ZDHHC21: variants seen among roughly 807,000 people sequenced by gnomAD.
ZDHHC21 encodes the protein palmitoyltransferase ZDHHC21.
In ZDHHC21, 15 loss-of-function variants were observed where a neutral mutation model predicts 34.6. That is an observed-to-expected ratio of 0.43 (90% CI 0.29 to 0.67). The LOEUF (loss-of-function observed/expected upper bound fraction) is 0.67, where lower values mean the gene tolerates loss of function less well. Ranked by LOEUF, ZDHHC21 falls within the 30% of genes least tolerant of loss-of-function variation. The pLI is 0.14. For missense variants in ZDHHC21, 344 were observed against 327.7 expected (o/e 1.05, Z -0.38); for synonymous variants, 142 against 101.8 (o/e 1.40, Z -2.38).
the ZDHHC21 span, among the ~76,000 whole-genome samples, chr9:14,601,766 A>C: frequency 2.0e-5 from 3 of 152,220 alleles, no homozygotes; most frequent in Non-Finnish European, 4.4e-5. Flanking sequence ...TCAATGATAG[A>C]CTGGATAAAG....
intron 5 of ZDHHC21, among the ~76,000 whole-genome samples, chr9:14,663,928 A>C (rs530630251): frequency 6.6e-6 from 1 of 152,204 alleles, no homozygotes. Context: ...TGTCACAAGC[A>C]TATCATATTC....
At chr9:14,591,461 C>A in the ZDHHC21 span, among the ~76,000 whole-genome samples, 1 of 152,070 alleles carries the variant, frequency 6.6e-6, no homozygotes, top group Non-Finnish European at 1.5e-5. Flanking sequence ...ACTTTCCAGC[C>A]TTCAGAACTA....
rs1179493924 is a variant in ZDHHC21, at chr9:14,613,455, T to C, written c.*5511A>G. On this transcript the variant is annotated 3_prime_UTR_variant, in exon 10 of 10. Transcript: ENST00000380916. ...ACTGGCAAGAATATATAGCTTGCAA[T>C]ACGCAGGTAAGCTTTCCCTTTAGTT... 6.6e-6 allele frequency: 1 copy of C among 151,770 alleles called. No individual in the cohort carries two copies. The highest frequency in any genetic ancestry group is 1.5e-5 in the Non-Finnish European group (1 of 67,806). The allele number at this position is 151,770 out of a possible 1,614,324, so 9.4% of individuals were successfully genotyped here.
At chr9:14,595,498 G>T in the ZDHHC21 span, among the ~76,000 whole-genome samples, 1 of 152,148 alleles carries the variant, frequency 6.6e-6, no homozygotes, top group Non-Finnish European at 1.5e-5. Context: ...CAGAGTCCAA[G>T]GGGTCTTTCT....
chr9:14,647,527 C>T (rs1830465610), intron 7 of ZDHHC21, among the ~76,000 whole-genome samples: 1 of 152,028 alleles, frequency 6.6e-6, no homozygotes, highest in South Asian at 2.1e-4. Flanking sequence ...GAGCTAACTC[C>T]CTGTTGACTA....
In ZDHHC21 at chr9:14,672,816, C is replaced by A; in HGVS notation, c.253+14G>T. 1 of 1,574,434 alleles carries A rather than the reference C, an allele frequency of 6.4e-7. No individual in the cohort carries two copies. The highest frequency in any genetic ancestry group is 1.7e-5 in the Admixed American group (1 of 57,456). On this transcript the variant is annotated intron_variant, in intron 5 of 9. Transcript: ENST00000380916. ...TCTGGCATCAGCAAAACTGATAAAT[C>A]CAGAGTACCATACCTCCATGTGGGA...
chr9:14,636,268 C>T (rs1287475740), intron 8 of ZDHHC21, among the ~76,000 whole-genome samples: 1 of 152,128 alleles, frequency 6.6e-6, no homozygotes, highest in African/African-American at 2.4e-5. Flanking sequence ...GAATAGCTAG[C>T]TATACTTATA....
At position 14,693,135 on chromosome 9, in the gene ZDHHC21, C is replaced by G. The variant is rs533236723; in HGVS notation, c.-225+94G>C. Reference sequence around the variant, plus strand: ...GGCGCGGAGGAGCGGCGGGCGGGCCCGGCAGAGCGGAGCGGGGGCCGGGGA... The same window carrying G: ...GGCGCGGAGGAGCGGCGGGCGGGCCGGGCAGAGCGGAGCGGGGGCCGGGGA... On this transcript the variant is annotated intron_variant, in intron 1 of 9. Transcript: ENST00000380916. The G allele has an allele frequency of 4.1e-3, 806 of 196,350 alleles. 6 individuals carry two copies. Among genetic ancestry groups the G allele is most frequent in the Non-Finnish European group, 4.2e-3 (423 of 101,500 alleles). The allele number at this position is 196,350 out of a possible 1,614,324, so 12.2% of individuals were successfully genotyped here. A position where few individuals can be genotyped will look rare whatever the true frequency, so the allele number is the denominator to read the frequency against.
chr9:14,603,215 T>G, the ZDHHC21 span, among the ~76,000 whole-genome samples: 1 of 152,142 alleles, frequency 6.6e-6, no homozygotes, highest in Admixed American at 6.5e-5. Flanking sequence ...TAAAGTGAAC[T>G]TTAAAAATGG....
intron 5 of ZDHHC21, among the ~76,000 whole-genome samples, chr9:14,665,410 T>C (rs976765514): frequency 1.4e-5 from 2 of 145,072 alleles, no homozygotes; most frequent in African/African-American, 5.1e-5. Context: ...TGGAACCAAG[T>C]TGGAAAACAC....
the ZDHHC21 span, among the ~76,000 whole-genome samples, chr9:14,602,111 T>G: frequency 6.6e-6 from 1 of 151,772 alleles, no homozygotes; most frequent in African/African-American, 2.4e-5. Context: ...CAAACCTGCA[T>G]GTTCTACACA....
chr9:14,603,707 T>A, the ZDHHC21 span, among the ~76,000 whole-genome samples: 1 of 152,192 alleles, frequency 6.6e-6, no homozygotes, highest in African/African-American at 2.4e-5. Flanking sequence ...CTTATTTTTA[T>A]AAGGACTTTA....
Position 14,672,872 on chromosome 9 carries a change from C to G in ZDHHC21, c.211G>C (p.Asp71His), listed in dbSNP as rs745758160. Residue 71 changes from aspartate to histidine, a missense_variant, in exon 5 of 10, where the codon GAT becomes CAT. By Grantham distance (81) the Asp-to-His change is moderately conservative. Coordinates refer to ENST00000380916, the MANE Select transcript of ZDHHC21 (RefSeq NM_178566.6). Reference protein sequence around the residue: ...LVALVRASITDPGRLPENPKI... With the variant: ...LVALVRASITHPGRLPENPKI... ...GGGTTCTCAGGGAGTCTTCCTGGAT[C>G]AGTTATGGAGGCCCTCACTAAGGCA... 1 of 1,609,150 alleles carries G rather than the reference C, an allele frequency of 6.2e-7. No individual in the cohort carries two copies. Among genetic ancestry groups the G allele is most frequent in the Non-Finnish European group, 8.5e-7 (1 of 1,176,776 alleles).
intron 8 of ZDHHC21, chr9:14,622,530 G>A: frequency 1.0e-6 from 1 of 985,188 alleles, no homozygotes; most frequent in Non-Finnish European, 1.2e-6. Context: ...GAGGTTTCCT[G>A]GTTAACAGAC....
At chr9:14,632,168 T>A (rs1350699460) in intron 8 of ZDHHC21, among the ~76,000 whole-genome samples, 1 of 152,076 alleles carries the variant, frequency 6.6e-6, no homozygotes, top group Non-Finnish European at 1.5e-5. Context: ...TTTATCAGAA[T>A]ATATTCAGTA....
rs1366194482 is a variant in ZDHHC21, at chr9:14,642,266, T to A, written c.505-2254A>T. Among the ~76,000 whole-genome samples the A allele has an allele frequency of 2.0e-5, 3 of 152,196 alleles. No homozygotes were observed. The East Asian group carries it at 5.8e-4, about 29-fold the overall frequency. On this transcript the variant is annotated intron_variant, in intron 7 of 9. Coordinates refer to ENST00000380916, the MANE Select transcript of ZDHHC21 (RefSeq NM_178566.6). Reference sequence around the variant, plus strand: ...CAAGTTCACACATGCATAATTAACATCATCAGCACTAAATCCATATTTTGA... The same window carrying A: ...CAAGTTCACACATGCATAATTAACAACATCAGCACTAAATCCATATTTTGA...
intron 6 of ZDHHC21, among the ~76,000 whole-genome samples, chr9:14,660,813 G>C (rs1047473658): frequency 7.9e-5 from 12 of 151,226 alleles, no homozygotes; most frequent in African/African-American, 2.7e-4. Flanking sequence ...TACTGCATTC[G>C]TTTGAAAAAA....
chr9:14,664,477 C>G (rs1834024216), intron 5 of ZDHHC21, among the ~76,000 whole-genome samples: 1 of 151,986 alleles, frequency 6.6e-6, no homozygotes, highest in African/African-American at 2.4e-5. Context: ...GACAAAGCAG[C>G]CGGGAAGCTC....
At chr9:14,679,349 TAAAC>T (rs944853867) in intron 3 of ZDHHC21, among the ~76,000 whole-genome samples, 17 of 152,208 alleles carry the variant, frequency 1.1e-4, no homozygotes, top group African/African-American at 2.9e-4. Context: ...ATTCCGATGT[TAAAC>T]AAAATTCTTC....
Sources: gnomAD v4.1 joint callset for allele counts (sites outside exome capture counted in the v4.1 genomes callset) on GRCh38, gnomAD v4.1.1 for gene constraint, MANE v1.5 for transcripts, NCBI Gene and HGNC (gene_info 2026-07-23, HGNC 2026-07-21) for gene names.